PTPRD: variants seen among roughly 807,000 people sequenced by gnomAD.
PTPRD encodes receptor-type tyrosine-protein phosphatase delta.
Under a neutral mutation model 214.5 loss-of-function variants are expected in PTPRD, and 34 were observed. That is an observed-to-expected ratio of 0.16 (90% CI 0.12 to 0.21). PTPRD has a LOEUF of 0.21. Ranked by LOEUF, PTPRD falls within the 10% of genes least tolerant of loss-of-function variation. The pLI, the probability that PTPRD is intolerant of heterozygous loss-of-function variation, is 1.00. For synonymous variants in PTPRD, 1,128 were observed against 845.7 expected (o/e 1.33, Z -5.79); for missense variants, 2,545 against 2,398.7 (o/e 1.06, Z -1.27).
intron 39 of PTPRD, among the ~76,000 whole-genome samples, chr9:8,351,302 A>G (rs1443610379): frequency 1.3e-5 from 2 of 152,182 alleles, no homozygotes; most frequent in Non-Finnish European, 2.9e-5. Context: ...TTAATGCACA[A>G]AACATGGTCT....
At chr9:9,892,939 G>A (rs10978063) in intron 5 of PTPRD, among the ~76,000 whole-genome samples, 20,897 of 152,018 alleles carry the variant, frequency 0.14, 1,886 homozygotes, top group Non-Finnish European at 0.19. Flanking sequence ...TCATTATGGC[G>A]TATGTTGGGA....
intron 33 of PTPRD, among the ~76,000 whole-genome samples, chr9:8,450,861 A>G (rs1288426910): frequency 2.0e-5 from 3 of 152,140 alleles, no homozygotes; most frequent in Non-Finnish European, 1.5e-5. Flanking sequence ...TCCAAATACT[A>G]ACGCCTGCAA....
Position 8,723,003 on chromosome 9 carries a change from C to T in PTPRD, c.64+10777G>A, listed in dbSNP as rs114599989. ...CACTATTTGTGGAAAAATATATACACATTTTGTCCTAGTAGAGAACAGTAG... is the reference window on the plus strand; with the variant it reads ...CACTATTTGTGGAAAAATATATACATATTTTGTCCTAGTAGAGAACAGTAG... On this transcript the variant is annotated intron_variant, in intron 12 of 45. Transcript: ENST00000381196. Among the ~76,000 whole-genome samples, 1,267 of 152,272 alleles carry T rather than the reference C, an allele frequency of 8.3e-3. 24 individuals carry two copies. Among genetic ancestry groups the T allele is most frequent in the African/African-American group, 0.029 (1,215 of 41,544 alleles).
chr9:8,741,802 G>A (rs915168999), intron 11 of PTPRD, among the ~76,000 whole-genome samples: 1 of 151,818 alleles, frequency 6.6e-6, no homozygotes, highest in African/African-American at 2.4e-5. Flanking sequence ...TATTGGCCAG[G>A]CTGGTGTCAA....
chr9:10,132,954 A>G (rs1467493027), intron 3 of PTPRD, among the ~76,000 whole-genome samples: 2 of 46,068 alleles, frequency 4.3e-5, no homozygotes, highest in African/African-American at 1.7e-4. Flanking sequence ...CACTTCCAAG[A>G]TTGTTATTTT....
chr9:9,595,635 C>T (rs1052575462), intron 7 of PTPRD, among the ~76,000 whole-genome samples: 7 of 151,434 alleles, frequency 4.6e-5, no homozygotes, highest in African/African-American at 9.7e-5. Flanking sequence ...GAATTAATGG[C>T]CTTTGCCGCA....
intron 12 of PTPRD, chr9:8,713,910 CT>C: frequency 1.3e-6 from 1 of 760,654 alleles, no homozygotes; most frequent in Non-Finnish European, 2.1e-6. Context: ...AAAAAAAAAT[CT>C]TTATCCACTG....
intron 7 of PTPRD, among the ~76,000 whole-genome samples, chr9:9,731,524 G>A (rs1311834366): frequency 1.3e-5 from 2 of 151,822 alleles, no homozygotes; most frequent in African/African-American, 2.4e-5. Context: ...GTTTGTTATG[G>A]ATGTATACAT....
At chr9:8,886,649 T>C (rs1194371352) in intron 11 of PTPRD, among the ~76,000 whole-genome samples, 2 of 152,242 alleles carry the variant, frequency 1.3e-5, no homozygotes, top group African/African-American at 4.8e-5. Flanking sequence ...TAACTAAATA[T>C]AGTCCTAGGG....
At chr9:8,943,167 G>T (rs1050640112) in intron 11 of PTPRD, among the ~76,000 whole-genome samples, 1 of 152,000 alleles carries the variant, frequency 6.6e-6, no homozygotes, top group African/African-American at 2.4e-5. Context: ...CTATGTTCAT[G>T]GATTGAAAGT....
intron 4 of PTPRD, among the ~76,000 whole-genome samples, chr9:9,953,667 C>T (rs2093651033): frequency 2.6e-5 from 4 of 152,100 alleles, no homozygotes; most frequent in Admixed American, 2.6e-4. Flanking sequence ...GTTTATCTGA[C>T]TTATGCTCAC....
chr9:10,139,176 T>C (rs1178936756), intron 3 of PTPRD, among the ~76,000 whole-genome samples: 1 of 152,058 alleles, frequency 6.6e-6, no homozygotes, highest in Non-Finnish European at 1.5e-5. Context: ...TTAGAACTGA[T>C]GAATTACTTC....
intron 41 of PTPRD, 58 bp from the exon 42 acceptor site, chr9:8,340,527 C>T: frequency 6.9e-7 from 1 of 1,448,918 alleles, no homozygotes. Context: ...TGCAAAAGCT[C>T]ACACTGGATA....
intron 11 of PTPRD, among the ~76,000 whole-genome samples, chr9:8,777,155 G>GT (rs1360686060): frequency 6.6e-6 from 1 of 151,492 alleles, no homozygotes; most frequent in African/African-American, 2.4e-5. Context: ...TTTTGTTGTT[G>GT]TTTTTTAGAG....
chr9:9,193,097 T>C (rs1237352918), intron 9 of PTPRD, among the ~76,000 whole-genome samples: 1 of 152,174 alleles, frequency 6.6e-6, no homozygotes, highest in Non-Finnish European at 1.5e-5. Context: ...AAATTCCATA[T>C]ACAAACGTTC....
chr9:9,635,879 T>C (rs138303648), intron 7 of PTPRD, among the ~76,000 whole-genome samples: 1 of 152,286 alleles, frequency 6.6e-6, no homozygotes, highest in East Asian at 1.9e-4. Flanking sequence ...AGTATCACCA[T>C]CCTTCACCTG....
chr9:8,852,622 T>A (rs866487198), intron 11 of PTPRD, among the ~76,000 whole-genome samples: 5 of 152,332 alleles, frequency 3.3e-5, no homozygotes, highest in Middle Eastern at 6.8e-3. Flanking sequence ...CTGGTATACA[T>A]GACCTACTAG....
intron 10 of PTPRD, among the ~76,000 whole-genome samples, chr9:9,168,220 C>T (rs965125654): frequency 2.6e-5 from 4 of 152,016 alleles, no homozygotes; most frequent in Non-Finnish European, 5.9e-5. Context: ...GGTCTATGGC[C>T]CTTTACAGTA....
At chr9:9,246,722 G>A (rs1031174794) in intron 9 of PTPRD, among the ~76,000 whole-genome samples, 1 of 152,020 alleles carries the variant, frequency 6.6e-6, no homozygotes, top group African/African-American at 2.4e-5. Context: ...AGACTTCACA[G>A]TTTAACTGGA....
Sources: gnomAD v4.1 joint callset for allele counts (sites outside exome capture counted in the v4.1 genomes callset) on GRCh38, gnomAD v4.1.1 for gene constraint, MANE v1.5 for transcripts, NCBI Gene and HGNC (gene_info 2026-07-23, HGNC 2026-07-21) for gene names.